The following AMZ1 variants were observed in gnomAD, a reference collection of about 807,000 sequenced individuals.
AMZ1 encodes the protein archaelysin family metallopeptidase 1.
A neutral mutation model predicts 29.9 loss-of-function variants in AMZ1; 39 were observed. The observed-to-expected ratio is 1.30, with a 90% CI of 1.01 to 1.70. AMZ1 has a LOEUF of 1.70. AMZ1 is among the 40% of genes most tolerant of loss of function. AMZ1 has a pLI of 0.00. For synonymous variants in AMZ1, 458 were observed against 304.0 expected, an observed-to-expected ratio of 1.51 and a Z score of -5.27; for missense variants, 1,041 against 680.6, an observed-to-expected ratio of 1.53 and a Z score of -5.89.
chr7:2,758,292 A>G (rs918035581), intron 4 of AMZ1, among the ~76,000 whole-genome samples: 4 of 152,220 alleles, frequency 2.6e-5, no homozygotes, highest in African/African-American at 9.6e-5. Flanking sequence ...TAAGAAAACA[A>G]GGCTCTGCAA....
At chr7:2,750,266 G>T (rs1397169388) in intron 4 of AMZ1, among the ~76,000 whole-genome samples, 1 of 152,166 alleles carries the variant, frequency 6.6e-6, no homozygotes, top group Non-Finnish European at 1.5e-5. Context: ...TGAGATCACA[G>T]GACACACTGC....
chr7:2,679,920 G>T (rs1562729379), intron 1 of AMZ1, among the ~76,000 whole-genome samples: 2 of 152,346 alleles, frequency 1.3e-5, no homozygotes, highest in Middle Eastern at 3.4e-3. Context: ...GCCCAGCTGG[G>T]GGTGAAGGGT....
At chr7:2,691,401 G>C (rs1787378298) in intron 1 of AMZ1, among the ~76,000 whole-genome samples, 1 of 148,442 alleles carries the variant, frequency 6.7e-6, no homozygotes, top group Admixed American at 6.6e-5. Context: ...GTTATGACAT[G>C]GGTGAATCTC....
intron 4 of AMZ1, chr7:2,730,256 A>C (rs1413374247): frequency 2.0e-5 from 3 of 152,476 alleles, no homozygotes; most frequent in Non-Finnish European, 4.4e-5. Context: ...ACTGTGTGTG[A>C]GCAGATGACT....
chr7:2,711,213 G>A (rs960675671), intron 6 of AMZ1, among the ~76,000 whole-genome samples: 6 of 152,184 alleles, frequency 3.9e-5, no homozygotes, highest in African/African-American at 1.4e-4. Context: ...CCTCCTGGCT[G>A]TTGTAGGGAG....
chr7:2,760,285 C>A (rs1419001477), upstream of AMZ1: 2 of 152,522 alleles, frequency 1.3e-5, no homozygotes, highest in Non-Finnish European at 2.9e-5. Flanking sequence ...AGCGCTGCCT[C>A]CCTAGGTCCA....
chr7:2,717,982 C>T lies in AMZ1; in HGVS notation c.*5104C>T, dbSNP rs1382333831. Among the ~76,000 whole-genome samples the T allele has an allele frequency of 2.0e-5, 3 of 152,194 alleles. No homozygotes were observed. Among genetic ancestry groups the T allele is most frequent in the Non-Finnish European group, 4.4e-5 (3 of 68,030 alleles). The stretch of plus-strand genomic sequence containing the variant: ...AGTCACCGGAGTCGAGCAAACACGG[C>T]GGCCCCTGCCTCCCCCGGCGGCTCC... On this transcript the variant is annotated 3_prime_UTR_variant, in exon 7 of 7. Transcript: ENST00000683327.
At position 2,716,700 on chromosome 7, in the gene AMZ1, C is replaced by T. The variant is rs1225917384; in HGVS notation, c.*3822C>T. ...GCCAGGCCTCGGAGAGAGGGACCGGCTGCCCTGCCCAAGGCCCACCTGGAC... is the reference window on the plus strand; with the variant it reads ...GCCAGGCCTCGGAGAGAGGGACCGGTTGCCCTGCCCAAGGCCCACCTGGAC... On this transcript the variant is annotated 3_prime_UTR_variant, in exon 7 of 7. Coordinates refer to ENST00000683327, the MANE Select transcript of AMZ1 (RefSeq NM_001384743.1). Among the ~76,000 whole-genome samples the T allele has an allele frequency of 6.6e-6, 1 of 152,244 alleles. No individual in the cohort carries two copies. Among genetic ancestry groups the T allele is most frequent in the Non-Finnish European group, 1.5e-5 (1 of 68,038 alleles).
At chr7:2,764,637 G>C (rs1791728619) in exon 1 of AMZ1, 1 of 152,260 alleles carries the variant, frequency 6.6e-6, no homozygotes, top group South Asian at 2.1e-4. Flanking sequence ...GGTCTCATCA[G>C]AGCTGAGGCT....
intron 4 of AMZ1, among the ~76,000 whole-genome samples, chr7:2,747,613 G>A (rs999093391): frequency 2.0e-5 from 3 of 152,202 alleles, no homozygotes; most frequent in African/African-American, 7.2e-5. Context: ...ACTGGCACAA[G>A]ACAGGGATGC....
chr7:2,714,991 A>G lies in AMZ1; in HGVS notation c.*2113A>G, dbSNP rs4719646. ...CCCTTCTCTTTTGCATGGCTTCTAAAGGGCATGACAGTGACCTGGGAGGTA... is the reference window on the plus strand; with the variant it reads ...CCCTTCTCTTTTGCATGGCTTCTAAGGGGCATGACAGTGACCTGGGAGGTA... On this transcript the variant is annotated 3_prime_UTR_variant, in exon 7 of 7. Coordinates refer to ENST00000683327, the MANE Select transcript of AMZ1 (RefSeq NM_001384743.1). The G allele has an allele frequency of 0.61, 93,268 of 152,102 alleles. 29,509 individuals are homozygous for G. Among genetic ancestry groups the G allele is most frequent in the African/African-American group, 0.74 (30,493 of 41,406 alleles). The allele number at this position is 152,102 out of a possible 1,614,324, so 9.4% of individuals were successfully genotyped here.
At chr7:2,720,363 GAA>G (rs150191533), downstream of AMZ1, among the ~76,000 whole-genome samples, 43 of 152,286 alleles carry the variant, frequency 2.8e-4, no homozygotes, top group East Asian at 8.3e-3. Context: ...GACAAAAAGA[GAA>G]AGACTAGTGT....
At chr7:2,757,608 T>A (rs1050905336) in intron 4 of AMZ1, among the ~76,000 whole-genome samples, 3 of 152,242 alleles carry the variant, frequency 2.0e-5, no homozygotes, top group African/African-American at 4.8e-5. Flanking sequence ...GAACTCTGGA[T>A]GCCCAGGCTG....
chr7:2,723,630 C>T (rs1040982906), downstream of AMZ1, among the ~76,000 whole-genome samples: 4 of 152,198 alleles, frequency 2.6e-5, no homozygotes, highest in Non-Finnish European at 4.4e-5. Context: ...CATGCCCCCT[C>T]GGCGCTCCCC....
chr7:2,684,421 A>T (rs1282381314), upstream of AMZ1, among the ~76,000 whole-genome samples: 1 of 152,172 alleles, frequency 6.6e-6, no homozygotes, highest in African/African-American at 2.4e-5. Flanking sequence ...CCCTGGGGAA[A>T]CTGAGGCAGG....
At chr7:2,691,205 A>G (rs1787368589) in intron 1 of AMZ1, among the ~76,000 whole-genome samples, 1 of 145,524 alleles carries the variant, frequency 6.9e-6, no homozygotes, top group African/African-American at 2.7e-5. Context: ...CTGGCAGGGA[A>G]GCCTCTGACC....
chr7:2,718,572 G>T lies in AMZ1; in HGVS notation c.*5694G>T, dbSNP rs1789265876. Among the ~76,000 whole-genome samples the T allele has an allele frequency of 6.6e-6, 1 of 152,236 alleles. No homozygotes were observed. Among genetic ancestry groups the T allele is most frequent in the Admixed American group, 6.5e-5 (1 of 15,286 alleles). ...GTGGACGAAGGTGATGAGCGCGGCTGACGGCTCCCGGGGGCAGTGTGGGGT... is the reference window on the plus strand; with the variant it reads ...GTGGACGAAGGTGATGAGCGCGGCTTACGGCTCCCGGGGGCAGTGTGGGGT... On this transcript the variant is annotated 3_prime_UTR_variant, in exon 7 of 7. Transcript: ENST00000683327.
In AMZ1 at chr7:2,751,861, AAAC is replaced by A. The variant is rs368703328; in HGVS notation, n.551-12842_551-12840del. 5.2e-3 allele frequency among the ~76,000 whole-genome samples: 787 copies of A among 152,336 alleles called. 7 individuals carry two copies. The highest frequency in any genetic ancestry group is 0.018 in the African/African-American group (734 of 41,564). ...CCTTTAAAAGACTGGATTTGTTCTA[AAAC>A]AACAACAAAACTTCCCCAAAGGAAA... On this transcript the variant is annotated intron_variant and non_coding_transcript_variant, in intron 4 of 4. Transcript: ENST00000489665.
chr7:2,752,915 C>G (rs1173535307), intron 4 of AMZ1, among the ~76,000 whole-genome samples: 2 of 152,296 alleles, frequency 1.3e-5, no homozygotes, highest in South Asian at 2.1e-4. Flanking sequence ...CACTTTGTCA[C>G]CTGTCTAGAT....
Sources: gnomAD v4.1 joint callset for allele counts (sites outside exome capture counted in the v4.1 genomes callset) on GRCh38, gnomAD v4.1.1 for gene constraint, MANE v1.5 for transcripts, NCBI Gene and HGNC (gene_info 2026-07-23, HGNC 2026-07-21) for gene names.